Variants in TAF1C observed in about 807,000 individuals in gnomAD.
The protein encoded by TAF1C is TATA box-binding protein-associated factor RNA polymerase I subunit C.
In TAF1C, 79 loss-of-function variants were observed where a neutral mutation model predicts 70.5. The observed-to-expected ratio is 1.12, with a 90% CI of 0.93 to 1.35. The LOEUF is 1.35. TAF1C is among the 40% of genes most tolerant of loss of function. TAF1C has a pLI of 0.00. For missense variants in TAF1C, 1,412 were observed against 1,127.8 expected (o/e 1.25, Z -3.61); for synonymous variants, 614 against 491.1 (o/e 1.25, Z -3.31).
intron 12 of TAF1C, 53 bp downstream of exon 12, chr16:84,180,990 G>A: frequency 6.4e-7 from 1 of 1,550,814 alleles, no homozygotes; most frequent in South Asian, 1.2e-5. Context: ...AGCCTCTAGT[G>A]ACCATCTGAG....
Position 84,183,065 on chromosome 16 carries a change from C to T in TAF1C, c.482+11G>A. The T allele has an allele frequency of 2.5e-6, 4 of 1,614,046 alleles. No individual in the cohort carries two copies. The East Asian group carries it at 6.7e-5, about 27-fold the overall frequency. ...GCCTATCCATCTCCTCCTTTCTCATCAGCCACTTGCCCCCAGGGCTGGTGT... is the reference window on the plus strand; with the variant it reads ...GCCTATCCATCTCCTCCTTTCTCATTAGCCACTTGCCCCCAGGGCTGGTGT... On this transcript the variant is annotated intron_variant, in intron 6 of 14. Coordinates refer to ENST00000566732, the MANE Select transcript of TAF1C (RefSeq NM_001243156.2).
rs369170725 is a variant in TAF1C at position 84,178,927 on chromosome 16, C to A, written c.*14G>T. 200 of 1,573,000 alleles carry A rather than the reference C, an allele frequency of 1.3e-4. No homozygotes were observed. In the African/African-American group the frequency reaches 2.5e-3, roughly 20 times the overall value. On this transcript the variant is annotated 3_prime_UTR_variant, in exon 15 of 15. Coordinates refer to ENST00000566732, the MANE Select transcript of TAF1C (RefSeq NM_001243156.2). ...GGGGCTCTCTGGGGCTTGAGGGCAG[C>A]CCACCTTGTGTCCTCAGAAGCCCAT... is the stretch of plus-strand genomic sequence containing the variant.
Position 84,178,911 on chromosome 16 carries a change from T to C in TAF1C, c.*30A>G. On this transcript the variant is annotated 3_prime_UTR_variant, in exon 15 of 15. Coordinates refer to ENST00000566732, the MANE Select transcript of TAF1C (RefSeq NM_001243156.2). ...CCCAGAGGAAGGATGAGGGGCTCTC[T>C]GGGGCTTGAGGGCAGCCCACCTTGT... 1 of 1,549,854 alleles carries C rather than the reference T, an allele frequency of 6.5e-7. No individual in the cohort carries two copies. The highest frequency in any genetic ancestry group is 8.7e-7 in the Non-Finnish European group (1 of 1,152,464).
At position 84,186,994 on chromosome 16, in the gene TAF1C, C is replaced by T. The variant is rs1318834937; in HGVS notation, c.-166G>A. 1 of 152,206 alleles carries T rather than the reference C, an allele frequency of 6.6e-6. No individual in the cohort carries two copies. Among genetic ancestry groups the T allele is most frequent in the African/African-American group, 2.4e-5 (1 of 41,454 alleles). 9.4% of individuals were successfully genotyped at this position (152,206 alleles called of 1,614,324 possible). On this transcript the variant is annotated 5_prime_UTR_variant, in exon 1 of 15. Transcript: ENST00000566732. ...CACGAGGGAAATCTCAAGTAGAACCCCAGCTTTGGCACTCGGGACGGGTCA... is the reference window on the plus strand; with the variant it reads ...CACGAGGGAAATCTCAAGTAGAACCTCAGCTTTGGCACTCGGGACGGGTCA...
intron 10 of TAF1C, 30 bp downstream of exon 10, chr16:84,181,562 G>A: frequency 6.2e-7 from 1 of 1,613,932 alleles, no homozygotes; most frequent in Admixed American, 1.7e-5. Flanking sequence ...AGTTCGTTAG[G>A]GTGGGGGGTT....
rs1359480039 is a variant in TAF1C, at chr16:84,178,002, T to C, written c.*939A>G. On this transcript the variant is annotated 3_prime_UTR_variant, in exon 15 of 15. Coordinates refer to ENST00000566732, the MANE Select transcript of TAF1C (RefSeq NM_001243156.2). ...TCACCAGCCAACCTGAAAAAAGACC[T>C]TTCTCTTACTATGTCATCAGAAACC... 1 of 679,964 alleles carries C rather than the reference T, an allele frequency of 1.5e-6. No individual in the cohort carries two copies. The highest frequency in any genetic ancestry group is 2.6e-6 in the Non-Finnish European group (1 of 377,396). The allele number at this position is 679,964 out of a possible 1,614,324, so 42.1% of individuals were successfully genotyped here. A position where few individuals can be genotyped will look rare whatever the true frequency, so the allele number is the denominator to read the frequency against.
In TAF1C at chr16:84,181,111, G is replaced by C. The variant is rs201741993; in HGVS notation, c.1240C>G (p.Leu414Val). Residue 414 changes from leucine (L) to valine (V), a missense_variant, in exon 12 of 15, where the codon CTT becomes GTT. Coordinates refer to ENST00000566732, the MANE Select transcript of TAF1C (RefSeq NM_001243156.2). ...CTGGAGTGCCCCAGGTACTGGGTAAGCAGGACACGTTCCCCTTTCTGGCAC... is the reference window on the plus strand; with the variant it reads ...CTGGAGTGCCCCAGGTACTGGGTAACCAGGACACGTTCCCCTTTCTGGCAC... Reference protein sequence around the residue: ...ASCQKGERVLLTQYLGHSSPK... With the variant: ...ASCQKGERVLVTQYLGHSSPK... The C allele has an allele frequency of 1.6e-5, 26 of 1,613,300 alleles. No individual in the cohort carries two copies. Among genetic ancestry groups the C allele is most frequent in the Non-Finnish European group, 8.5e-7 (1 of 1,179,386 alleles).
chr16:84,178,904 G>A lies in TAF1C; in HGVS notation c.*37C>T. 1 of 1,532,032 alleles carries A rather than the reference G, an allele frequency of 6.5e-7. No homozygotes were observed. The highest frequency in any genetic ancestry group is 8.7e-7 in the Non-Finnish European group (1 of 1,142,920). 94.9% of individuals were successfully genotyped at this position (1,532,032 alleles called of 1,614,324 possible). A position where few individuals can be genotyped will look rare whatever the true frequency, so the allele number is the denominator to read the frequency against. ...ATCTGGTCCCAGAGGAAGGATGAGG[G>A]GCTCTCTGGGGCTTGAGGGCAGCCC... On this transcript the variant is annotated 3_prime_UTR_variant, in exon 15 of 15. Transcript: ENST00000566732.
At position 84,182,494 on chromosome 16, in the gene TAF1C, G is replaced by C. The variant is rs1341933944; in HGVS notation, c.483-54C>G. Reference sequence around the variant, plus strand: ...ACTCGGTGGCACTCAGGGGAGGACAGGTCCCATCCCAAGGAGGCCAAGTGC... The same window carrying C: ...ACTCGGTGGCACTCAGGGGAGGACACGTCCCATCCCAAGGAGGCCAAGTGC... On this transcript the variant is annotated intron_variant, in intron 6 of 14. Transcript: ENST00000566732. This position sits in a 1 kb window ranked among gnomAD's most constrained non-coding sequence, Gnocchi z 5.0. 1 of 1,518,864 alleles carries C rather than the reference G, an allele frequency of 6.6e-7. No individual in the cohort carries two copies. Among genetic ancestry groups the C allele is most frequent in the Non-Finnish European group, 8.9e-7 (1 of 1,128,098 alleles). The allele number at this position is 1,518,864 out of a possible 1,614,324, so 94.1% of individuals were successfully genotyped here. A position where few individuals can be genotyped will look rare whatever the true frequency, so the allele number is the denominator to read the frequency against.
In TAF1C at chr16:84,184,886, G is replaced by C. The variant is rs779485529; in HGVS notation, c.103C>G (p.Leu35Val). 6.2e-7 allele frequency: 1 copy of C among 1,611,274 alleles called. No homozygotes were observed. The highest frequency in any genetic ancestry group is 1.7e-5 in the Admixed American group (1 of 59,616). Reference sequence around the variant, plus strand: ...TGGGGCTGGGCCTCTGGCAGAGTCAGTGCGTCTCGCCAGCTGCACATGAAA... The same window carrying C: ...TGGGGCTGGGCCTCTGGCAGAGTCACTGCGTCTCGCCAGCTGCACATGAAA... ...LSFMCSWRDA[L>V]TLPEAQPQNS... The change falls in exon 2 of 15, where the codon CTG becomes GTG. Residue 35 changes from leucine (L) to valine (V), a missense_variant. Transcript: ENST00000566732.
chr16:84,180,174 C>A lies in TAF1C; in HGVS notation c.1479G>T (p.Leu493=). The change falls in exon 13 of 15, where the codon CTG becomes CTT. Residue 493 remains leucine, a synonymous_variant. Coordinates refer to ENST00000566732, the MANE Select transcript of TAF1C (RefSeq NM_001243156.2). ...GQGGQLQLLH[L]AGEGASVPRL... is the part of the protein sequence containing the mutation. Reference sequence around the variant, plus strand: ...CACCCTGGCCTGGACCCTCACCTGCCAGGTGCAGCAGCTGCAGCTGCCCAC... The same window carrying A: ...CACCCTGGCCTGGACCCTCACCTGCAAGGTGCAGCAGCTGCAGCTGCCCAC... The A allele has an allele frequency of 6.4e-7, 1 of 1,552,510 alleles. No homozygotes were observed. Among genetic ancestry groups the A allele is most frequent in the Non-Finnish European group, 8.6e-7 (1 of 1,157,778 alleles).
Position 84,183,395 on chromosome 16 carries a change from C to T in TAF1C, c.318+15G>A, listed in dbSNP as rs1020570917. The T allele has an allele frequency of 2.0e-5, 32 of 1,612,920 alleles. No individual in the cohort carries two copies. Among genetic ancestry groups the T allele is most frequent in the African/African-American group, 5.3e-5 (4 of 74,914 alleles). On this transcript the variant is annotated intron_variant, in intron 4 of 14. Coordinates refer to ENST00000566732, the MANE Select transcript of TAF1C (RefSeq NM_001243156.2). ...CTCCAGGCTACGCAGCACTGTCCCC[C>T]GTGGGCCCACTCACCTGCTCAGTCA...
chr16:84,180,683 C>G, intron 12 of TAF1C: 1 of 815,854 alleles, frequency 1.2e-6, no homozygotes, highest in African/African-American at 1.8e-5. Flanking sequence ...GGCACGCCTA[C>G]GAATGTCCCC....
chr16:84,182,324 A>T lies in TAF1C; in HGVS notation c.599T>A (p.Leu200Gln). 6.2e-7 allele frequency: 1 copy of T among 1,612,788 alleles called. No homozygotes were observed. Among genetic ancestry groups the T allele is most frequent in the Non-Finnish European group, 8.5e-7 (1 of 1,179,868 alleles). ...LAELLHEELVLRWEQLLLDEA... is the reference protein window; with the variant it reads ...LAELLHEELVQRWEQLLLDEA... ...ATCCAGAAGCAGCTGCTCCCACCGC[A>T]GCACCAGCTCCTCGTGCAGCAGCTC... is the stretch of plus-strand genomic sequence containing the variant. Residue 200 changes from leucine (L) to glutamine (Q), a missense_variant, in exon 7 of 15, where the codon CTG (leucine) becomes CAG (glutamine). Coordinates refer to ENST00000566732, the MANE Select transcript of TAF1C (RefSeq NM_001243156.2). This position sits in a 1 kb window ranked among gnomAD's most constrained non-coding sequence, Gnocchi z 5.0.
At position 84,179,484 on chromosome 16, in the gene TAF1C, C is replaced by G. The variant is rs1432609000; in HGVS notation, c.1989G>C (p.Gly663=). The G allele has an allele frequency of 1.9e-6, 3 of 1,599,218 alleles. No individual in the cohort carries two copies. The highest frequency in any genetic ancestry group is 2.2e-5 in the South Asian group (2 of 90,756). ...LGVLRKAMAR[G]QLLLQRDLGS... ...CCAGGTCTCTCTGCAGCAGGAGCTG[C>G]CCTCGGGCCATGGCCTTGCGGAGCA... Residue 663 remains glycine, a synonymous_variant, in exon 15 of 15, where the codon GGG becomes GGC. Transcript: ENST00000566732.
chr16:84,181,140 G>A lies in TAF1C; in HGVS notation c.1211C>T (p.Ala404Val), dbSNP rs780776785. The change falls in exon 12 of 15, where the codon GCT (alanine) becomes GTT (valine). Residue 404 changes from alanine (A) to valine (V), a missense_variant. Physicochemically the swap from Ala to Val is moderately conservative, Grantham distance 64. Transcript: ENST00000566732. Reference protein sequence around the residue: ...GLLLFRLGAEASCQKGERVLL... With the variant: ...GLLLFRLGAEVSCQKGERVLL... ...GACACGTTCCCCTTTCTGGCACGAA[G>A]CCTCTGCCCCCAAACGAAAAAGCAA... 5.8e-5 allele frequency: 93 copies of A among 1,612,508 alleles called. No homozygotes were observed. The highest frequency in any genetic ancestry group is 7.8e-5 in the Non-Finnish European group (92 of 1,178,718).
chr16:84,179,016 G>A lies in TAF1C; in HGVS notation c.2457C>T (p.Ala819=). 1.2e-6 allele frequency: 2 copies of A among 1,610,706 alleles called. No homozygotes were observed. The highest frequency in any genetic ancestry group is 1.3e-5 in the African/African-American group (1 of 75,046). ...CGGGTGTGTGCTGCTGGGAGCGAGT[G>A]GCCCGGACGCTGGAGGCCTGGGAGT... ...PPHSQASSVR[A]TRSQQHTPVL... The change falls in exon 15 of 15, where the codon GCC becomes GCT. Residue 819 remains alanine (A), a synonymous_variant. Transcript: ENST00000566732.
chr16:84,180,633 C>A, intron 12 of TAF1C: 2 of 621,420 alleles, frequency 3.2e-6, no homozygotes, highest in Non-Finnish European at 5.1e-6. Context: ...GGCCTTCTCG[C>A]AGCCACCCCC....
At chr16:84,186,847 T>C (rs2089517682) in intron 1 of TAF1C, 54 bp downstream of exon 1, 1 of 152,184 alleles carries the variant, frequency 6.6e-6, no homozygotes, top group African/African-American at 2.4e-5. Context: ...CATCTGCGGG[T>C]CCGCTCCTCG....
Sources: gnomAD v4.1 joint callset for allele counts on GRCh38, gnomAD v4.1.1 for gene constraint, Gnocchi (gnomAD v3.1) non-coding constraint, MANE v1.5 for transcripts, NCBI Gene and HGNC (gene_info 2026-07-23, HGNC 2026-07-21) for gene names.